Variants in GRID2 observed in about 807,000 individuals in gnomAD.
GRID2 encodes glutamate ionotropic receptor delta type subunit 2, also known as glutamate receptor ionotropic, delta-2.
Under a neutral mutation model 114.8 loss-of-function variants are expected in GRID2, and 33 were observed. The observed-to-expected ratio is 0.29, with a 90% CI of 0.22 to 0.38. GRID2 has a LOEUF of 0.38. Ranked by LOEUF, GRID2 falls within the 10% of genes least tolerant of loss-of-function variation. The pLI is 1.00. For synonymous variants in GRID2, 505 were observed against 449.9 expected, an observed-to-expected ratio of 1.12 and a Z score of -1.55; for missense variants, 1,184 against 1,257.7, an observed-to-expected ratio of 0.94 and a Z score of 0.89.
intron 14 of GRID2, among the ~76,000 whole-genome samples, chr4:93,722,675 A>C (rs1729487528): frequency 6.6e-6 from 1 of 152,120 alleles, no homozygotes; most frequent in South Asian, 2.1e-4. Context: ...ACTTCCTGAG[A>C]GTTCTCTCTG....
At chr4:93,039,445 T>C (rs1307618108) in intron 2 of GRID2, among the ~76,000 whole-genome samples, 2 of 152,102 alleles carry the variant, frequency 1.3e-5, no homozygotes, top group African/African-American at 2.4e-5. Flanking sequence ...TCTGCACATG[T>C]ACCTTAGAAC....
intron 1 of GRID2, among the ~76,000 whole-genome samples, chr4:93,802,374 G>A (rs1410967985): frequency 1.3e-5 from 2 of 152,036 alleles, no homozygotes; most frequent in Non-Finnish European, 2.9e-5. Flanking sequence ...CTATGTGTGA[G>A]AGTGAGTGTG....
At chr4:93,072,654 GAAA>G (rs76834573) in intron 2 of GRID2, among the ~76,000 whole-genome samples, 1 of 138,456 alleles carries the variant, frequency 7.2e-6, no homozygotes, top group East Asian at 2.1e-4. Flanking sequence ...GCAACTATTT[GAAA>G]AAAAAAAAGA....
In GRID2 at chr4:93,221,290, C is replaced by T. The variant is rs116012535; in HGVS notation, c.964-3324C>T. Among the ~76,000 whole-genome samples, 1,183 of 152,140 alleles carry T rather than the reference C, an allele frequency of 7.8e-3. 14 individuals carry two copies. Among genetic ancestry groups the T allele is most frequent in the African/African-American group, 0.027 (1,117 of 41,496 alleles). ...AGAGAAAGAGAACTAAGATGATCAG[C>T]CTAGAAACGATACCAGGTGATGAAA... On this transcript the variant is annotated intron_variant, in intron 6 of 15. Coordinates refer to ENST00000282020, the MANE Select transcript of GRID2 (RefSeq NM_001510.4).
At chr4:93,591,190 G>T (rs1317239377) in intron 13 of GRID2, among the ~76,000 whole-genome samples, 1 of 149,896 alleles carries the variant, frequency 6.7e-6, no homozygotes, top group African/African-American at 2.5e-5. Context: ...TTGGCTGTGG[G>T]TTTGTCATAG....
At chr4:92,639,395 T>C (rs1480508497) in intron 2 of GRID2, among the ~76,000 whole-genome samples, 1 of 151,842 alleles carries the variant, frequency 6.6e-6, no homozygotes, top group East Asian at 1.9e-4. Flanking sequence ...CTTAGTTTAA[T>C]ATTTCTATGT....
intron 1 of GRID2, among the ~76,000 whole-genome samples, chr4:92,433,028 C>G (rs927137401): frequency 1.3e-5 from 2 of 152,134 alleles, no homozygotes; most frequent in African/African-American, 4.8e-5. Context: ...CAGGGTGTGT[C>G]TAGAAGTATC....
intron 2 of GRID2, among the ~76,000 whole-genome samples, chr4:92,818,002 A>G (rs914995990): frequency 2.6e-5 from 4 of 152,138 alleles, no homozygotes; most frequent in Non-Finnish European, 5.9e-5. Flanking sequence ...GATGCTGCAA[A>G]ACTGACCTCA....
chr4:93,000,894 TAC>T (rs1358019641), intron 2 of GRID2, among the ~76,000 whole-genome samples: 1 of 151,390 alleles, frequency 6.6e-6, no homozygotes, highest in Non-Finnish European at 1.5e-5. Flanking sequence ...ACCTCAGTAA[TAC>T]ACAATACACC....
intron 2 of GRID2, among the ~76,000 whole-genome samples, chr4:92,923,080 A>T (rs183272089): frequency 1.3e-5 from 2 of 152,226 alleles, no homozygotes; most frequent in Non-Finnish European, 2.9e-5. Flanking sequence ...ACTGGAATAT[A>T]TCACCATTTT....
At chr4:93,515,132 C>CTT in intron 12 of GRID2, 84 bp from the exon 13 acceptor site, 2 of 529,332 alleles carry the variant, frequency 3.8e-6, no homozygotes, top group South Asian at 4.8e-5. Context: ...CACATATTGC[C>CTT]TTTTTTTTTC....
intron 8 of GRID2, among the ~76,000 whole-genome samples, chr4:93,314,945 G>A (rs763150581): frequency 6.6e-6 from 1 of 151,982 alleles, no homozygotes. Flanking sequence ...CACTGTATTA[G>A]TCTGTTTTCT....
intron 4 of GRID2, among the ~76,000 whole-genome samples, chr4:93,148,136 A>C (rs1307112469): frequency 6.6e-6 from 1 of 152,210 alleles, no homozygotes; most frequent in Non-Finnish European, 1.5e-5. Context: ...GCAGCGTACA[A>C]AGTTAAGGAG....
At chr4:93,390,134 G>A (rs1341684292) in intron 8 of GRID2, among the ~76,000 whole-genome samples, 2 of 152,082 alleles carry the variant, frequency 1.3e-5, no homozygotes, top group African/African-American at 4.8e-5. Context: ...GCTATACATT[G>A]GAATTACCTG....
At chr4:93,710,968 C>T (rs1002465308) in intron 14 of GRID2, among the ~76,000 whole-genome samples, 11 of 151,774 alleles carry the variant, frequency 7.2e-5, no homozygotes, top group Non-Finnish European at 1.5e-4. Flanking sequence ...ACTGAATCTC[C>T]CCCTTCAGAG....
intron 1 of GRID2, among the ~76,000 whole-genome samples, chr4:92,502,729 T>C (rs1295743454): frequency 1.5e-5 from 2 of 137,548 alleles, no homozygotes; most frequent in Admixed American, 7.4e-5. Flanking sequence ...TTTTTTTTTT[T>C]TTTTCCTATA....
intron 13 of GRID2, among the ~76,000 whole-genome samples, chr4:93,549,153 A>G (rs2149539630): frequency 6.6e-6 from 1 of 152,298 alleles, no homozygotes; most frequent in Non-Finnish European, 1.5e-5. Flanking sequence ...GTTGCCTTGG[A>G]AAATAACTGA....
chr4:93,403,129 G>A (rs1766064188), intron 9 of GRID2, among the ~76,000 whole-genome samples: 1 of 152,102 alleles, frequency 6.6e-6, no homozygotes. Context: ...GTCTTACGAG[G>A]GCTCCTTCGG....
intron 14 of GRID2, among the ~76,000 whole-genome samples, chr4:93,743,201 T>A (rs1731562766): frequency 6.6e-6 from 1 of 152,162 alleles, no homozygotes; most frequent in South Asian, 2.1e-4. Context: ...TCTTCAACTC[T>A]GTGGAGGCTG....
Sources: allele counts gnomAD v4.1 joint callset (sites outside exome capture counted in the v4.1 genomes callset), GRCh38; gene constraint gnomAD v4.1.1; transcripts MANE v1.5; gene names NCBI Gene and HGNC (gene_info 2026-07-23, HGNC 2026-07-21).